Variants in SLC9C1 observed in about 807,000 individuals in gnomAD.
SLC9C1 encodes the protein sodium/hydrogen exchanger 10.
A neutral mutation model predicts 140.9 loss-of-function variants in SLC9C1; 97 were observed. The observed-to-expected ratio is 0.69, with a 90% CI of 0.58 to 0.82. The LOEUF is 0.82. Ranked by LOEUF, SLC9C1 falls within the 40% of genes least tolerant of loss-of-function variation. The pLI, the probability that SLC9C1 is intolerant of heterozygous loss-of-function variation, is 0.00. For missense variants in SLC9C1, 1,340 were observed against 1,389.3 expected (o/e 0.96, Z 0.56); for synonymous variants, 440 against 442.6 (o/e 0.99, Z 0.07).
chr3:112,225,477 CCTT>C (rs1410487459), intron 13 of SLC9C1, among the ~76,000 whole-genome samples: 1 of 151,876 alleles, frequency 6.6e-6, no homozygotes, highest in Admixed American at 6.6e-5. Context: ...AGGAATCAAA[CCTT>C]ATTATTACAG....
intron 2 of SLC9C1, among the ~76,000 whole-genome samples, chr3:112,282,467 G>A (rs1030806193): frequency 4.6e-5 from 7 of 152,266 alleles, no homozygotes; most frequent in Admixed American, 3.3e-4. Context: ...GAAAAATGCC[G>A]GAGAAAGCTT....
intron 8 of SLC9C1, among the ~76,000 whole-genome samples, chr3:112,266,032 A>G (rs1036015844): frequency 1.3e-5 from 2 of 152,070 alleles, no homozygotes; most frequent in African/African-American, 4.8e-5. Context: ...ACCAACATGA[A>G]CTCAAGGTAA....
At chr3:112,217,606 G>A in intron 14 of SLC9C1, 45 bp from the exon 15 acceptor site, 2 of 1,517,656 alleles carry the variant, frequency 1.3e-6, no homozygotes, top group Non-Finnish European at 1.8e-6. Context: ...AACATTTTGA[G>A]ATAAGTTTAA....
Position 112,202,260 on chromosome 3 carries a change from T to C in SLC9C1, c.2312A>G (p.Gln771Arg). 6.2e-7 allele frequency: 1 copy of C among 1,609,744 alleles called. No individual in the cohort carries two copies. Among genetic ancestry groups the C allele is most frequent in the South Asian group, 1.1e-5 (1 of 89,352 alleles). The change falls in exon 18 of 29, where the codon CAG (glutamine) becomes CGG (arginine). Residue 771 changes from glutamine (Q) to arginine (R), a missense_variant. Coordinates refer to ENST00000305815, the MANE Select transcript of SLC9C1 (RefSeq NM_183061.3). ...TTAAGGTTTTCTTACCTGTTTAATC[T>C]GTTTAGAACTTGTAATCTGATCAAT... is the stretch of plus-strand genomic sequence containing the variant. ...TIIDQITSSK[Q>R]IKQMLLKQVI...
At chr3:112,248,584 C>CA (rs1489168472) in intron 10 of SLC9C1, among the ~76,000 whole-genome samples, 1 of 152,070 alleles carries the variant, frequency 6.6e-6, no homozygotes, top group Non-Finnish European at 1.5e-5. Flanking sequence ...ACATGAATTT[C>CA]ATGATTTCGC....
intron 26 of SLC9C1, among the ~76,000 whole-genome samples, chr3:112,157,209 G>A (rs946201988): frequency 1.2e-4 from 18 of 151,794 alleles, no homozygotes; most frequent in African/African-American, 4.1e-4. Flanking sequence ...GGTAATAGAT[G>A]GGAAACTTGT....
intron 26 of SLC9C1, among the ~76,000 whole-genome samples, chr3:112,164,179 T>A (rs1296130350): frequency 2.0e-5 from 3 of 151,676 alleles, no homozygotes; most frequent in South Asian, 2.1e-4. Context: ...TGCACGTGAA[T>A]TGGGTTTCCT....
intron 5 of SLC9C1, among the ~76,000 whole-genome samples, chr3:112,276,214 T>G (rs2080209816): frequency 6.6e-6 from 1 of 152,154 alleles, no homozygotes; most frequent in Non-Finnish European, 1.5e-5. Context: ...ATTGTATAAT[T>G]ATCCCATTTT....
At chr3:112,180,138 G>T (rs2077411478) in intron 22 of SLC9C1, among the ~76,000 whole-genome samples, 1 of 152,158 alleles carries the variant, frequency 6.6e-6, no homozygotes, top group African/African-American at 2.4e-5. Flanking sequence ...TCCTAAAAAA[G>T]AAACTATGCA....
intron 23 of SLC9C1, among the ~76,000 whole-genome samples, chr3:112,176,789 T>A (rs1332608849): frequency 6.6e-6 from 1 of 152,162 alleles, no homozygotes; most frequent in Non-Finnish European, 1.5e-5. Flanking sequence ...GTGTAACTTG[T>A]CTCCAAACTC....
intron 21 of SLC9C1, among the ~76,000 whole-genome samples, chr3:112,181,214 G>GTATT (rs2077433874): frequency 6.6e-6 from 1 of 152,090 alleles, no homozygotes; most frequent in African/African-American, 2.4e-5. Flanking sequence ...TTTAGATAGG[G>GTATT]TATTTATACA....
At chr3:112,263,162 A>G (rs1252670376) in intron 9 of SLC9C1, 64 bp from the exon 10 acceptor site, 1 of 1,379,874 alleles carries the variant, frequency 7.2e-7, no homozygotes, top group African/African-American at 1.5e-5. Context: ...ATTTCATGCT[A>G]CTCTATTCTA....
intron 20 of SLC9C1, among the ~76,000 whole-genome samples, chr3:112,189,906 T>C (rs914469955): frequency 1.3e-5 from 2 of 152,096 alleles, no homozygotes; most frequent in African/African-American, 2.4e-5. Flanking sequence ...TCTTTTATTT[T>C]GTTGAGCAGT....
intron 17 of SLC9C1, among the ~76,000 whole-genome samples, chr3:112,203,319 C>G (rs973945384): frequency 6.6e-6 from 1 of 151,852 alleles, no homozygotes; most frequent in Non-Finnish European, 1.5e-5. Flanking sequence ...CTCTGTATAC[C>G]TTCCTATCAG....
chr3:112,165,109 G>A (rs1007488169), intron 26 of SLC9C1, among the ~76,000 whole-genome samples: 2 of 152,160 alleles, frequency 1.3e-5, no homozygotes, highest in African/African-American at 4.8e-5. Context: ...TTGTGCCATG[G>A]TTTTCAGCTC....
chr3:112,185,934 G>A, intron 20 of SLC9C1: 2 of 1,565,036 alleles, frequency 1.3e-6, no homozygotes, highest in East Asian at 2.3e-5. Flanking sequence ...ATAGCCAGGC[G>A]GCAGCAGTAG....
chr3:112,214,791 C>G (rs1485915098), intron 15 of SLC9C1, among the ~76,000 whole-genome samples: 2 of 152,180 alleles, frequency 1.3e-5, no homozygotes, highest in East Asian at 1.9e-4. Flanking sequence ...CAAGGAGGAG[C>G]TGCTACCATT....
chr3:112,175,348 C>T (rs1401203920), intron 23 of SLC9C1, among the ~76,000 whole-genome samples: 2 of 152,142 alleles, frequency 1.3e-5, no homozygotes, highest in African/African-American at 4.8e-5. Flanking sequence ...GAGGTATGAA[C>T]CTATTGCCAG....
intron 15 of SLC9C1, among the ~76,000 whole-genome samples, chr3:112,209,861 G>A (rs1272971971): frequency 1.3e-5 from 2 of 152,144 alleles, no homozygotes; most frequent in Non-Finnish European, 2.9e-5. Context: ...GACATTCCAT[G>A]TTCATGGTTT....
Sources: gnomAD v4.1 joint callset for allele counts (sites outside exome capture counted in the v4.1 genomes callset) on GRCh38, gnomAD v4.1.1 for gene constraint, MANE v1.5 for transcripts, NCBI Gene and HGNC (gene_info 2026-07-23, HGNC 2026-07-21) for gene names.